The following PYY variants were observed in gnomAD, a reference collection of about 807,000 sequenced individuals.
PYY encodes the protein peptide tyrosine tyrosine.
Under a neutral mutation model 10.3 loss-of-function variants are expected in PYY, and 12 were observed. That is an observed-to-expected ratio of 1.17 (90% CI 0.75 to 1.89). The LOEUF (loss-of-function observed/expected upper bound fraction) is 1.89, where lower values mean the gene tolerates loss of function less well. Ranked by LOEUF, PYY falls within the 40% of genes most tolerant of loss-of-function variation. The pLI, the probability that PYY is intolerant of heterozygous loss-of-function variation, is 0.00. For missense variants in PYY, 141 were observed against 134.0 expected, an observed-to-expected ratio of 1.05 and a Z score of -0.26; for synonymous variants, 66 against 62.0, an observed-to-expected ratio of 1.06 and a Z score of -0.30.
chr17:43,999,710 G>C (rs1437730470), intron 1 of PYY, among the ~76,000 whole-genome samples: 1 of 151,610 alleles, frequency 6.6e-6, no homozygotes, highest in South Asian at 2.1e-4. Flanking sequence ...AGAGGTTGCA[G>C]TGAGCTGAGA....
chr17:43,994,263 T>C (rs749634221), intron 1 of PYY, among the ~76,000 whole-genome samples: 14 of 152,024 alleles, frequency 9.2e-5, no homozygotes, highest in Admixed American at 2.6e-4. Context: ...ACTGTTCTTA[T>C]CTCCCAAGTG....
chr17:43,956,423 C>CCA (rs1377215452), upstream of PYY, among the ~76,000 whole-genome samples: 1 of 151,674 alleles, frequency 6.6e-6, no homozygotes, highest in African/African-American at 2.4e-5. Context: ...CAGCCACCCC[C>CCA]CGATCCACAC....
intron 2 of PYY, among the ~76,000 whole-genome samples, chr17:43,961,251 A>G (rs1340136441): frequency 2.0e-5 from 3 of 151,904 alleles, no homozygotes; most frequent in African/African-American, 7.3e-5. Flanking sequence ...CAAGCAAACC[A>G]AAAAAGCAAA....
upstream of PYY, among the ~76,000 whole-genome samples, chr17:43,956,413 C>G (rs2048672245): frequency 6.8e-6 from 1 of 146,044 alleles, no homozygotes; most frequent in South Asian, 2.2e-4. Context: ...TCAATGGGCT[C>G]AGCCACCCCC....
chr17:43,976,143 A>G (rs1411601944), intron 1 of PYY, among the ~76,000 whole-genome samples: 2 of 125,892 alleles, frequency 1.6e-5, no homozygotes, highest in Middle Eastern at 4.0e-3. Context: ...ACATATATGT[A>G]TATATACATA....
At chr17:43,999,754 G>A (rs1419993330) in intron 1 of PYY, among the ~76,000 whole-genome samples, 2 of 146,650 alleles carry the variant, frequency 1.4e-5, no homozygotes, top group Non-Finnish European at 3.0e-5. Flanking sequence ...GGCAACAAGA[G>A]TGAAACTCCG....
At chr17:43,996,811 C>A (rs548161883) in intron 1 of PYY, among the ~76,000 whole-genome samples, 9 of 152,216 alleles carry the variant, frequency 5.9e-5, no homozygotes, top group Non-Finnish European at 7.4e-5. Flanking sequence ...CCTCAGCCAC[C>A]CGAGTAGCTG....
intron 1 of PYY, among the ~76,000 whole-genome samples, chr17:43,984,542 C>T (rs1052896437): frequency 1.3e-5 from 2 of 152,188 alleles, no homozygotes; most frequent in Non-Finnish European, 1.5e-5. Context: ...AGGTGGAAAC[C>T]GCTTACTTAG....
At chr17:43,990,952 G>T (rs1413697720) in intron 1 of PYY, among the ~76,000 whole-genome samples, 1 of 151,464 alleles carries the variant, frequency 6.6e-6, no homozygotes, top group Non-Finnish European at 1.5e-5. Context: ...CCGCCACCAC[G>T]CCCGGCTAAT....
chr17:43,961,938 C>T (rs1298845278), intron 2 of PYY, among the ~76,000 whole-genome samples: 1 of 152,196 alleles, frequency 6.6e-6, no homozygotes, highest in East Asian at 1.9e-4. Flanking sequence ...CATGCATCCT[C>T]CTCCTCCCTC....
At position 43,952,974 on chromosome 17, in the gene PYY, C is replaced by T; in HGVS notation, c.276G>A (p.Glu92=). Residue 92 remains glutamate (E), a synonymous_variant, in exon 4 of 4, where the codon GAG becomes GAA. Coordinates refer to ENST00000692052, the MANE Select transcript of PYY (RefSeq NM_001394028.1). ...GEDRPVRSRS[E]GPDLW ...GGGGTCCTCACCACAGGTCTGGGCC[C>T]TCCGACCTGCGGAAGCGAAGGGGAA... is the stretch of plus-strand genomic sequence containing the variant. The T allele has an allele frequency of 5.1e-6, 8 of 1,566,354 alleles. No homozygotes were observed. The highest frequency in any genetic ancestry group is 6.9e-6 in the Non-Finnish European group (8 of 1,155,798).
intron 2 of PYY, among the ~76,000 whole-genome samples, chr17:43,964,768 A>C (rs1312604444): frequency 1.3e-5 from 2 of 152,040 alleles, no homozygotes; most frequent in African/African-American, 4.8e-5. Context: ...GTGCCATTGC[A>C]CTCCAGTCTG....
chr17:43,963,566 AAGGAAAAGAAAGAAAGAAAG>A (rs1466043650), intron 2 of PYY, among the ~76,000 whole-genome samples: 14 of 119,340 alleles, frequency 1.2e-4, no homozygotes, highest in African/African-American at 4.5e-4. Context: ...GGAAGGAAGG[AAGGAAAAGAAAGAAAGAAAG>A]AAAGAAAGAA....
At chr17:43,976,780 A>T (rs575645303) in intron 1 of PYY, among the ~76,000 whole-genome samples, 44 of 152,196 alleles carry the variant, frequency 2.9e-4, no homozygotes, top group African/African-American at 1.0e-3. Flanking sequence ...TCAAACCAAA[A>T]ACATAAAAAC....
intron 1 of PYY, among the ~76,000 whole-genome samples, chr17:43,980,836 G>A (rs1455980291): frequency 3.9e-5 from 6 of 152,094 alleles, no homozygotes; most frequent in South Asian, 2.1e-4. Context: ...AAATTCATCC[G>A]TGTTGTTGTG....
intron 1 of PYY, among the ~76,000 whole-genome samples, chr17:43,974,915 GA>G (rs1177112414): frequency 2.6e-5 from 4 of 151,894 alleles, no homozygotes; most frequent in Admixed American, 6.6e-5. Context: ...GGAGGATAGG[GA>G]AAAAAAAGTT....
At chr17:43,962,742 T>C (rs1362071110) in intron 2 of PYY, among the ~76,000 whole-genome samples, 1 of 152,150 alleles carries the variant, frequency 6.6e-6, no homozygotes. Context: ...AGTCAACAGG[T>C]GTTACCTGGA....
intron 1 of PYY, among the ~76,000 whole-genome samples, chr17:43,976,802 C>T (rs2048851923): frequency 6.6e-6 from 1 of 151,984 alleles, no homozygotes; most frequent in Non-Finnish European, 1.5e-5. Flanking sequence ...AAAACAAAAA[C>T]CAACCAGTGA....
At chr17:43,990,388 G>A (rs139119968) in intron 1 of PYY, among the ~76,000 whole-genome samples, 2,169 of 147,458 alleles carry the variant, frequency 0.015, 57 homozygotes, top group African/African-American at 0.052. Flanking sequence ...GTAGTGAGCC[G>A]AGATCGCACC....
Sources: gnomAD v4.1 joint callset for allele counts (sites outside exome capture counted in the v4.1 genomes callset) on GRCh38, gnomAD v4.1.1 for gene constraint, MANE v1.5 for transcripts, NCBI Gene and HGNC (gene_info 2026-07-23, HGNC 2026-07-21) for gene names.